AMZ1: variants seen among roughly 807,000 people sequenced by gnomAD.
AMZ1 encodes archaelysin family metallopeptidase 1, also known as archaemetzincin-1.
A neutral mutation model predicts 29.9 loss-of-function variants in AMZ1; 39 were observed. The ratio of observed to expected loss-of-function variants is 1.30; its 90% confidence interval spans 1.01 to 1.70. The LOEUF is 1.70. Ranked by LOEUF, AMZ1 falls within the 40% of genes most tolerant of loss-of-function variation. The probability of loss-of-function intolerance (pLI) is 0.00; values close to 1 mark genes in which losing one functional copy is unlikely to be tolerated. For synonymous variants in AMZ1, 458 were observed against 304.0 expected, an observed-to-expected ratio of 1.51 and a Z score of -5.27; for missense variants, 1,041 against 680.6, an observed-to-expected ratio of 1.53 and a Z score of -5.89.
Position 2,717,642 on chromosome 7 carries a change from A to G in AMZ1, c.*4764A>G, listed in dbSNP as rs1200876291. ...GATAAACACCGCAGGGTAATCTAGG[A>G]AACACTTCCGGCTTGACTGTAAAGA... On this transcript the variant is annotated 3_prime_UTR_variant, in exon 7 of 7. Coordinates refer to ENST00000683327, the MANE Select transcript of AMZ1 (RefSeq NM_001384743.1). 6.6e-6 allele frequency among the ~76,000 whole-genome samples: 1 copy of G among 152,226 alleles called. No individual in the cohort carries two copies. The highest frequency in any genetic ancestry group is 1.5e-5 in the Non-Finnish European group (1 of 68,036).
intron 4 of AMZ1, among the ~76,000 whole-genome samples, chr7:2,742,322 G>A (rs1319470537): frequency 6.6e-6 from 1 of 152,096 alleles, no homozygotes; most frequent in Non-Finnish European, 1.5e-5. Context: ...AGCCTACACT[G>A]AGATTTTTGA....
chr7:2,724,308 G>A (rs971424340), downstream of AMZ1, among the ~76,000 whole-genome samples: 1 of 152,246 alleles, frequency 6.6e-6, no homozygotes, highest in East Asian at 1.9e-4. Context: ...GCGACCTGTC[G>A]AGAAGATGTG....
chr7:2,706,132 T>C (rs35736244), intron 3 of AMZ1, among the ~76,000 whole-genome samples: 120,436 of 152,250 alleles, frequency 0.79, 48,126 homozygotes, highest in African/African-American at 0.91. Flanking sequence ...CAGGTGGAAC[T>C]CAGAGGGTAT....
intron 2 of AMZ1, among the ~76,000 whole-genome samples, chr7:2,701,079 G>A (rs923189713): frequency 2.6e-5 from 4 of 152,188 alleles, no homozygotes; most frequent in Non-Finnish European, 5.9e-5. Flanking sequence ...GCTGTATAAA[G>A]ATCACGCCGG....
chr7:2,695,927 T>C (rs1197018737), intron 1 of AMZ1, among the ~76,000 whole-genome samples: 1 of 150,382 alleles, frequency 6.6e-6, no homozygotes, highest in Non-Finnish European at 1.5e-5. Context: ...GGAGAATCGC[T>C]TGAACCCGGA....
At position 2,725,450 on chromosome 7, in the gene AMZ1, C is replaced by T. The variant is rs560553598; in HGVS notation, n.550+15634C>T. ...AATACTGCAGCCCAGAAATCCAATG[C>T]GTCTATTTCAATATGGCGCCCTGAA... On this transcript the variant is annotated intron_variant and non_coding_transcript_variant, in intron 4 of 4. Transcript: ENST00000489665. Among the ~76,000 whole-genome samples the T allele has an allele frequency of 3.9e-5, 6 of 152,334 alleles. No homozygotes were observed. In the East Asian group the frequency reaches 5.8e-4, roughly 15 times the overall value.
intron 4 of AMZ1, among the ~76,000 whole-genome samples, chr7:2,736,164 T>C (rs1302575731): frequency 3.9e-5 from 6 of 152,192 alleles, no homozygotes; most frequent in Non-Finnish European, 8.8e-5. Flanking sequence ...AGAAAATGCA[T>C]GTGGCAGAAA....
intron 4 of AMZ1, chr7:2,733,304 G>A (rs770628291): frequency 3.3e-5 from 23 of 686,648 alleles, no homozygotes; most frequent in Admixed American, 6.5e-5. Flanking sequence ...GTGAGAGCGT[G>A]CCATTACAGT....
intron 4 of AMZ1, among the ~76,000 whole-genome samples, chr7:2,755,161 C>T (rs1034640279): frequency 1.3e-5 from 2 of 152,198 alleles, no homozygotes; most frequent in African/African-American, 4.8e-5. Flanking sequence ...CAGGCCTGAC[C>T]ACTGCAGGGA....
chr7:2,683,328 T>C (rs1396276899), upstream of AMZ1, among the ~76,000 whole-genome samples: 1 of 152,192 alleles, frequency 6.6e-6, no homozygotes, highest in Non-Finnish European at 1.5e-5. Flanking sequence ...CTCTTCCTGC[T>C]TCTGGGGGCT....
intron 1 of AMZ1, among the ~76,000 whole-genome samples, chr7:2,689,102 C>A (rs942997473): frequency 1.3e-5 from 2 of 152,232 alleles, no homozygotes; most frequent in African/African-American, 4.8e-5. Context: ...GTGAGAAACC[C>A]CCAAAACCAT....
intron 4 of AMZ1, among the ~76,000 whole-genome samples, chr7:2,742,159 T>A (rs986089900): frequency 1.3e-5 from 2 of 151,702 alleles, no homozygotes; most frequent in African/African-American, 2.4e-5. Flanking sequence ...GTAGCTGGGA[T>A]TACAGAGGTG....
intron 4 of AMZ1, among the ~76,000 whole-genome samples, chr7:2,740,720 A>C (rs1790455957): frequency 6.6e-6 from 1 of 152,202 alleles, no homozygotes; most frequent in African/African-American, 2.4e-5. Flanking sequence ...AAGATGTTTA[A>C]TAGTTCAAAT....
At chr7:2,694,668 TATATTTTA>T (rs1319238082) in intron 1 of AMZ1, among the ~76,000 whole-genome samples, 2 of 140,644 alleles carry the variant, frequency 1.4e-5, no homozygotes, top group Admixed American at 1.5e-4. Flanking sequence ...ATATATAATA[TATATTTTA>T]TTTATTTTTT....
downstream of AMZ1, among the ~76,000 whole-genome samples, chr7:2,720,222 C>A (rs1431479089): frequency 6.6e-6 from 1 of 152,324 alleles, no homozygotes; most frequent in Admixed American, 6.5e-5. Flanking sequence ...CCCACGCGGA[C>A]GCCCATCCAC....
intron 1 of AMZ1, among the ~76,000 whole-genome samples, chr7:2,695,924 C>T (rs934581349): frequency 7.3e-5 from 11 of 150,226 alleles, no homozygotes; most frequent in East Asian, 3.9e-4. Context: ...GCAGGAGAAT[C>T]GCTTGAACCC....
At chr7:2,689,093 T>G (rs1010311426) in intron 1 of AMZ1, among the ~76,000 whole-genome samples, 4 of 152,138 alleles carry the variant, frequency 2.6e-5, no homozygotes, top group African/African-American at 9.7e-5. Context: ...AACTGAGAGG[T>G]GAGAAACCCC....
rs954806246 is a variant in AMZ1 at position 2,718,283 on chromosome 7, T to C, written c.*5405T>C. Among the ~76,000 whole-genome samples, 1 of 152,202 alleles carries C rather than the reference T, an allele frequency of 6.6e-6. No homozygotes were observed. Among genetic ancestry groups the C allele is most frequent in the Admixed American group, 6.5e-5 (1 of 15,282 alleles). On this transcript the variant is annotated 3_prime_UTR_variant, in exon 7 of 7. Coordinates refer to ENST00000683327, the MANE Select transcript of AMZ1 (RefSeq NM_001384743.1). ...CTGTGGGCCCAGTGTCCATTTTCTC[T>C]CTCAGGCAGGGTGCTCTGCCCGCCA...
chr7:2,713,989 C>G lies in AMZ1; in HGVS notation c.*1111C>G, dbSNP rs969350110. ...CCATGGCTGGGCGTTTGATCTGTCT[C>G]CCTTTAGTTTTGCCGGATTTTGCTT... On this transcript the variant is annotated 3_prime_UTR_variant, in exon 7 of 7. Coordinates refer to ENST00000683327, the MANE Select transcript of AMZ1 (RefSeq NM_001384743.1). The G allele has an allele frequency of 1.3e-5, 2 of 152,132 alleles. No homozygotes were observed. Among genetic ancestry groups the G allele is most frequent in the Non-Finnish European group, 2.9e-5 (2 of 68,046 alleles). The allele number at this position is 152,132 out of a possible 1,614,324, so 9.4% of individuals were successfully genotyped here.
Sources: allele counts gnomAD v4.1 joint callset (sites outside exome capture counted in the v4.1 genomes callset), GRCh38; gene constraint gnomAD v4.1.1; transcripts MANE v1.5; gene names NCBI Gene and HGNC (gene_info 2026-07-23, HGNC 2026-07-21).